ARHGAP15: variants seen among roughly 807,000 people sequenced by gnomAD.
ARHGAP15 encodes the protein rho GTPase-activating protein 15.
A neutral mutation model predicts 63.7 loss-of-function variants in ARHGAP15; 51 were observed. The observed-to-expected ratio is 0.80, with a 90% CI of 0.64 to 1.01. The LOEUF (loss-of-function observed/expected upper bound fraction) is 1.01. Ranked by LOEUF, ARHGAP15 falls within the 50% of genes least tolerant of loss-of-function variation. The probability of loss-of-function intolerance (pLI) is 0.00; values close to 1 mark genes in which losing one functional copy is unlikely to be tolerated. For missense variants in ARHGAP15, 560 were observed against 564.6 expected (o/e 0.99, Z 0.08); for synonymous variants, 191 against 193.8 (o/e 0.99, Z 0.12).
intron 6 of ARHGAP15, among the ~76,000 whole-genome samples, chr2:143,366,160 G>C (rs1686283697): frequency 1.3e-5 from 2 of 152,000 alleles, no homozygotes; most frequent in Admixed American, 1.3e-4. Flanking sequence ...CTCTTATTAT[G>C]TGTTGAGGTC....
At chr2:143,576,567 T>TA (rs1482489239) in intron 11 of ARHGAP15, among the ~76,000 whole-genome samples, 1 of 152,162 alleles carries the variant, frequency 6.6e-6, no homozygotes, top group Admixed American at 6.6e-5. Context: ...ATCTGAGTCT[T>TA]ACACTCTATC....
intron 12 of ARHGAP15, among the ~76,000 whole-genome samples, chr2:143,685,898 A>G (rs1683312639): frequency 6.6e-6 from 1 of 152,192 alleles, no homozygotes; most frequent in African/African-American, 2.4e-5. Flanking sequence ...AAATGATATA[A>G]TAAACAGTCT....
intron 6 of ARHGAP15, among the ~76,000 whole-genome samples, chr2:143,392,929 A>G (rs1214575054): frequency 3.9e-5 from 6 of 152,178 alleles, no homozygotes; most frequent in Admixed American, 3.9e-4. Context: ...TAGATAAAAA[A>G]AACCTCATAG....
At chr2:143,730,394 T>G (rs6735262) in intron 13 of ARHGAP15, among the ~76,000 whole-genome samples, 1 of 137,460 alleles carries the variant, frequency 7.3e-6, no homozygotes, top group East Asian at 2.0e-4. Context: ...CACAAAAGTA[T>G]GCAATATTTC....
chr2:143,584,353 C>T (rs558438283), intron 11 of ARHGAP15, among the ~76,000 whole-genome samples: 38 of 152,182 alleles, frequency 2.5e-4, no homozygotes, highest in African/African-American at 7.7e-4. Context: ...AGGCCATGTG[C>T]GGTGGCTCAT....
At chr2:143,213,956 A>T (rs184135344) in intron 3 of ARHGAP15, among the ~76,000 whole-genome samples, 130 of 152,334 alleles carry the variant, frequency 8.5e-4, no homozygotes, top group African/African-American at 3.0e-3. Context: ...GTGTCTGGGG[A>T]AATGTTACTT....
chr2:143,261,500 G>A (rs1335172421), intron 6 of ARHGAP15, among the ~76,000 whole-genome samples: 2 of 140,200 alleles, frequency 1.4e-5, no homozygotes, highest in African/African-American at 2.7e-5. Flanking sequence ...CACCACACCC[G>A]GCTAATTTTT....
At chr2:143,596,855 A>G (rs1052132277) in intron 11 of ARHGAP15, among the ~76,000 whole-genome samples, 3 of 152,140 alleles carry the variant, frequency 2.0e-5, no homozygotes, top group African/African-American at 7.2e-5. Context: ...AATTCCAGGA[A>G]CATTTTAAGT....
At chr2:143,761,191 G>A (rs1686748749) in intron 13 of ARHGAP15, among the ~76,000 whole-genome samples, 1 of 152,144 alleles carries the variant, frequency 6.6e-6, no homozygotes, top group African/African-American at 2.4e-5. Context: ...AACATAAGTT[G>A]AGCATATTGA....
intron 6 of ARHGAP15, among the ~76,000 whole-genome samples, chr2:143,330,121 A>AC (rs1558897920): frequency 5.7e-5 from 5 of 87,262 alleles, no homozygotes; most frequent in African/African-American, 1.4e-4. Flanking sequence ...AAAAAAAAAA[A>AC]AAAAAAAAAA....
chr2:143,383,262 A>G (rs1687132897), intron 6 of ARHGAP15, among the ~76,000 whole-genome samples: 1 of 152,214 alleles, frequency 6.6e-6, no homozygotes, highest in South Asian at 2.1e-4. Flanking sequence ...CAAATAATGT[A>G]TAATTGTCAT....
At chr2:143,609,880 A>C (rs1479532601) in intron 11 of ARHGAP15, among the ~76,000 whole-genome samples, 1 of 152,158 alleles carries the variant, frequency 6.6e-6, no homozygotes, top group Non-Finnish European at 1.5e-5. Flanking sequence ...ATGAGCAATA[A>C]ATGCTCGTGC....
chr2:143,539,802 A>T lies in ARHGAP15; in HGVS notation c.926-16606A>T, dbSNP rs955725982. Reference sequence around the variant, plus strand: ...GCTGAGGAGTGCTTTACTTCCAACTATGTGGTCAATTTTGGAATAGGAGTG... The same window carrying T: ...GCTGAGGAGTGCTTTACTTCCAACTTTGTGGTCAATTTTGGAATAGGAGTG... On this transcript the variant is annotated intron_variant, in intron 10 of 13. Transcript: ENST00000295095. Among the ~76,000 whole-genome samples the T allele has an allele frequency of 1.1e-3, 166 of 152,110 alleles. 1 individual carries two copies. Among genetic ancestry groups the T allele is most frequent in the African/African-American group, 3.9e-3 (161 of 41,478 alleles).
At chr2:143,545,749 A>T (rs10084340) in intron 10 of ARHGAP15, among the ~76,000 whole-genome samples, 4 of 151,634 alleles carry the variant, frequency 2.6e-5, no homozygotes, top group Admixed American at 1.3e-4. Context: ...CACAATTGGG[A>T]TTTTTTTTTC....
At chr2:143,725,308 T>A (rs1258447660) in intron 13 of ARHGAP15, among the ~76,000 whole-genome samples, 1 of 152,242 alleles carries the variant, frequency 6.6e-6, no homozygotes, top group East Asian at 1.9e-4. Context: ...AGCCCACTTC[T>A]TTGTGTCTTT....
At chr2:143,567,143 G>A (rs767048689) in intron 11 of ARHGAP15, among the ~76,000 whole-genome samples, 7 of 152,070 alleles carry the variant, frequency 4.6e-5, no homozygotes, top group Non-Finnish European at 8.8e-5. Flanking sequence ...CCAAAGTGCT[G>A]GCATTACAGG....
intron 2 of ARHGAP15, among the ~76,000 whole-genome samples, chr2:143,174,442 T>TA (rs1000096459): frequency 5.9e-5 from 9 of 151,984 alleles, no homozygotes; most frequent in Non-Finnish European, 1.0e-4. Context: ...TAATTTTTTT[T>TA]AAAAAAAGAA....
chr2:143,423,853 T>C (rs540161039), intron 6 of ARHGAP15, among the ~76,000 whole-genome samples: 4 of 152,256 alleles, frequency 2.6e-5, no homozygotes, highest in South Asian at 4.1e-4. Flanking sequence ...TCTCAGGTTA[T>C]AGGTGAGAAT....
chr2:143,673,357 G>A (rs941609461), intron 12 of ARHGAP15, among the ~76,000 whole-genome samples: 1 of 152,078 alleles, frequency 6.6e-6, no homozygotes, highest in African/African-American at 2.4e-5. Flanking sequence ...GAGTGCAGTA[G>A]CATGAGCTCG....
Sources: gnomAD v4.1 joint callset for allele counts (sites outside exome capture counted in the v4.1 genomes callset) on GRCh38, gnomAD v4.1.1 for gene constraint, MANE v1.5 for transcripts, NCBI Gene and HGNC (gene_info 2026-07-23, HGNC 2026-07-21) for gene names.